MED26: variants seen among roughly 807,000 people sequenced by gnomAD.
MED26 encodes mediator complex subunit 26.
Under a neutral mutation model 43.7 loss-of-function variants are expected in MED26, and 7 were observed. That is an observed-to-expected ratio of 0.16 (90% CI 0.09 to 0.30). The LOEUF (loss-of-function observed/expected upper bound fraction) is 0.30, where lower values mean the gene tolerates loss of function less well. Ranked by LOEUF, MED26 falls within the 10% of genes least tolerant of loss-of-function variation. MED26 has a pLI of 1.00. For synonymous variants in MED26, 375 were observed against 371.1 expected, an observed-to-expected ratio of 1.01 and a Z score of -0.12; for missense variants, 784 against 840.6, an observed-to-expected ratio of 0.93 and a Z score of 0.83.
In MED26 at chr19:16,576,874, G is replaced by A. The variant is rs940354697; in HGVS notation, c.956C>T (p.Ala319Val). 3.7e-6 allele frequency: 6 copies of A among 1,609,604 alleles called. No individual in the cohort carries two copies. The highest frequency in any genetic ancestry group is 5.1e-6 in the Non-Finnish European group (6 of 1,177,862). The change falls in exon 3 of 3, where the codon GCA (alanine) becomes GTA (valine). Residue 319 changes from alanine (A) to valine (V), a missense_variant. Around this residue, in one of 3 missense-constraint regions of MED26, gnomAD observed 719 missense variants for 730.9 expected, o/e 0.98. Coordinates refer to ENST00000263390, the MANE Select transcript of MED26 (RefSeq NM_004831.5). The surrounding 1 kb of genome is among the most constrained non-coding windows in gnomAD (Gnocchi z 6.8). Reference sequence around the variant, plus strand: ...CCGTACGGGGGGTGTGGACGGCTGTGCCAGTGGAAGCGGTGACGGCACCTG... The same window carrying A: ...CCGTACGGGGGGTGTGGACGGCTGTACCAGTGGAAGCGGTGACGGCACCTG... ...ATQVPSPLPLAQPSTPPVRRL... is the reference protein window; with the variant it reads ...ATQVPSPLPLVQPSTPPVRRL...
At chr19:16,614,337 G>A (rs2086213180) in intron 1 of MED26, among the ~76,000 whole-genome samples, 1 of 152,048 alleles carries the variant, frequency 6.6e-6, no homozygotes, top group Admixed American at 6.5e-5. Flanking sequence ...AGACCAGCCT[G>A]GGCAACATGG....
chr19:16,579,833 T>C (rs2086035649), intron 1 of MED26, among the ~76,000 whole-genome samples: 2 of 152,176 alleles, frequency 1.3e-5, no homozygotes, highest in South Asian at 4.1e-4. Flanking sequence ...TTTCCAAAAA[T>C]ATCCCTTGTG....
chr19:16,578,108 G>A (rs1012857165), intron 2 of MED26: 10 of 570,484 alleles, frequency 1.8e-5, no homozygotes, highest in African/African-American at 1.3e-4. Flanking sequence ...ATGTCCCCAC[G>A]TGCCCACGAA....
chr19:16,614,531 T>C (rs1234815462), intron 1 of MED26, among the ~76,000 whole-genome samples: 1 of 112,708 alleles, frequency 8.9e-6, no homozygotes, highest in African/African-American at 3.5e-5. Flanking sequence ...CATTTCAAAA[T>C]AAAATAAAAT....
chr19:16,601,390 C>T (rs1290133776), intron 1 of MED26, among the ~76,000 whole-genome samples: 2 of 152,108 alleles, frequency 1.3e-5, no homozygotes, highest in Non-Finnish European at 2.9e-5. Context: ...CCCAACCTCA[C>T]GTTATCTGTC....
At chr19:16,610,029 C>G (rs1163901908) in intron 1 of MED26, among the ~76,000 whole-genome samples, 1 of 151,182 alleles carries the variant, frequency 6.6e-6, no homozygotes, top group Non-Finnish European at 1.5e-5. Flanking sequence ...GTAACCCCAA[C>G]CCTTTGGGAT....
chr19:16,595,676 A>T (rs948948591), intron 1 of MED26, among the ~76,000 whole-genome samples: 1 of 152,198 alleles, frequency 6.6e-6, no homozygotes, highest in Non-Finnish European at 1.5e-5. Flanking sequence ...TTCCTGGGTG[A>T]CTTTCCCGTC....
intron 1 of MED26, among the ~76,000 whole-genome samples, chr19:16,615,366 C>T (rs775850738): frequency 6.6e-6 from 1 of 152,214 alleles, no homozygotes; most frequent in Non-Finnish European, 1.5e-5. Flanking sequence ...TGATTCTTTA[C>T]TGACTCTCTC....
intron 1 of MED26, among the ~76,000 whole-genome samples, chr19:16,598,772 C>T (rs1396551154): frequency 6.6e-6 from 1 of 152,136 alleles, no homozygotes; most frequent in African/African-American, 2.4e-5. Flanking sequence ...CTGTGCCGGA[C>T]CCATCATCTG....
rs996781440 is a variant in MED26 at position 16,587,780 on chromosome 19, G to C, written c.73-9371C>G. On this transcript the variant is annotated intron_variant, in intron 1 of 2. Transcript: ENST00000263390. The surrounding 1 kb of genome is among the most constrained non-coding windows in gnomAD (Gnocchi z 4.9). ...GCAATTGCATGCTACAACTCAGCCC[G>C]GGGGACGGGAAATGCCACCTGAGTA... is the stretch of plus-strand genomic sequence containing the variant. 6.6e-6 allele frequency: 1 copy of C among 152,316 alleles called. No individual in the cohort carries two copies. The highest frequency in any genetic ancestry group is 1.5e-5 in the Non-Finnish European group (1 of 68,108). The allele number at this position is 152,316 out of a possible 1,614,324, so 9.4% of individuals were successfully genotyped here.
intron 1 of MED26, among the ~76,000 whole-genome samples, chr19:16,583,095 C>T (rs2194176): frequency 0.027 from 4,040 of 152,346 alleles, 155 homozygotes; most frequent in Admixed American, 0.084. Context: ...CCGCTCCAGG[C>T]GATGGCCTCA....
intron 1 of MED26, among the ~76,000 whole-genome samples, chr19:16,625,090 G>A (rs2086268258): frequency 6.6e-6 from 1 of 152,196 alleles, no homozygotes; most frequent in South Asian, 2.1e-4. Flanking sequence ...TGCACACACT[G>A]CGCTTCGGAG....
chr19:16,622,008 G>A (rs2086254027), intron 1 of MED26, among the ~76,000 whole-genome samples: 1 of 152,124 alleles, frequency 6.6e-6, no homozygotes, highest in African/African-American at 2.4e-5. Context: ...CAGCAGAGAG[G>A]GAAAACTGTG....
chr19:16,624,853 G>A (rs994556006), intron 1 of MED26, among the ~76,000 whole-genome samples: 1 of 152,180 alleles, frequency 6.6e-6, no homozygotes, highest in African/African-American at 2.4e-5. Flanking sequence ...GGTAGAAAGT[G>A]TGCCTAATGC....
intron 1 of MED26, among the ~76,000 whole-genome samples, chr19:16,589,694 G>A (rs1299028320): frequency 6.6e-6 from 1 of 152,130 alleles, no homozygotes; most frequent in Non-Finnish European, 1.5e-5. Flanking sequence ...TCTCAGATGT[G>A]TTCATAAATG....
chr19:16,621,123 C>T (rs1212284423), intron 1 of MED26, among the ~76,000 whole-genome samples: 1 of 152,196 alleles, frequency 6.6e-6, no homozygotes, highest in East Asian at 1.9e-4. Context: ...CCATGCTGGG[C>T]ACCACCGATG....
intron 1 of MED26, among the ~76,000 whole-genome samples, chr19:16,591,906 T>C (rs1005897208): frequency 1.3e-5 from 2 of 152,200 alleles, no homozygotes. Context: ...ATCTAGATCC[T>C]TCCTATTCAA....
chr19:16,579,146 C>T (rs1480360016), intron 1 of MED26, among the ~76,000 whole-genome samples: 2 of 152,062 alleles, frequency 1.3e-5, no homozygotes, highest in African/African-American at 4.8e-5. Flanking sequence ...CAATCTGAAT[C>T]CAAAGACACC....
chr19:16,619,728 C>A (rs1447920114), intron 1 of MED26, among the ~76,000 whole-genome samples: 2 of 152,154 alleles, frequency 1.3e-5, no homozygotes, highest in Non-Finnish European at 2.9e-5. Context: ...CACAGAACCC[C>A]CACCAGAGTC....
Sources: gnomAD v4.1 joint callset for allele counts (sites outside exome capture counted in the v4.1 genomes callset) on GRCh38, gnomAD v4.1.1 for gene constraint, gnomAD v4.1.1 regional missense constraint, Gnocchi (gnomAD v3.1) non-coding constraint, MANE v1.5 for transcripts, NCBI Gene and HGNC (gene_info 2026-07-23, HGNC 2026-07-21) for gene names.